The following LOXL3 variants were observed in gnomAD, a reference collection of about 807,000 sequenced individuals.
The protein encoded by LOXL3 is lysyl oxidase homolog 3.
Under a neutral mutation model 91.8 loss-of-function variants are expected in LOXL3, and 60 were observed. The ratio of observed to expected loss-of-function variants is 0.65; its 90% CI spans 0.53 to 0.81. LOXL3 has a LOEUF of 0.81. Ranked by LOEUF, LOXL3 falls within the 30% of genes least tolerant of loss-of-function variation. The pLI, the probability that LOXL3 is intolerant of heterozygous loss-of-function variation, is 0.00. For synonymous variants in LOXL3, 355 were observed against 387.6 expected (o/e 0.92, Z 0.99); for missense variants, 874 against 1,000.4 (o/e 0.87, Z 1.70).
In LOXL3 at chr2:74,535,034, G is replaced by C. The variant is rs1392265650; in HGVS notation, c.1579+258C>G. 6.6e-6 allele frequency among the ~76,000 whole-genome samples: 1 copy of C among 152,086 alleles called. No homozygotes were observed. Among genetic ancestry groups the C allele is most frequent in the Admixed American group, 6.5e-5 (1 of 15,272 alleles). On this transcript the variant is annotated intron_variant, in intron 9 of 13. Transcript: ENST00000264094. The surrounding 1 kb of genome is among the most constrained non-coding windows in gnomAD (Gnocchi z 4.2). ...GCTGGGATTATAGGCGCCTGCCACT[G>C]CGCCTGGCTAATTTTTGTAGTTTTA... is the stretch of plus-strand genomic sequence containing the variant.
At chr2:74,539,428 GA>G (rs1676195894) in intron 4 of LOXL3, among the ~76,000 whole-genome samples, 1 of 152,140 alleles carries the variant, frequency 6.6e-6, no homozygotes, top group Admixed American at 6.5e-5. Flanking sequence ...GGGAAGGGGA[GA>G]AGGGAAGAGG....
chr2:74,555,108 G>T (rs1026665420), upstream of LOXL3: 3 of 1,566,338 alleles, frequency 1.9e-6, no homozygotes, highest in African/African-American at 2.7e-5. This position sits in a 1 kb window ranked among gnomAD's most constrained non-coding sequence, Gnocchi z 6.1. Flanking sequence ...GACCCGGGCC[G>T]CCTGCGCACG....
Position 74,532,308 on chromosome 2 carries a change from A to G in LOXL3, c.*1298T>C, listed in dbSNP as rs2104378183. ...ATGCTGTTCTTGTTTTATATGGTTA[A>G]TATCAGATCCATCCTTTTAGGCTCA... On this transcript the variant is annotated 3_prime_UTR_variant, in exon 14 of 14. Coordinates refer to ENST00000264094, the MANE Select transcript of LOXL3 (RefSeq NM_032603.5). 2.1e-6 allele frequency: 1 copy of G among 479,976 alleles called. No homozygotes were observed. The highest frequency in any genetic ancestry group is 3.8e-6 in the Non-Finnish European group (1 of 263,276). 29.7% of individuals were successfully genotyped at this position (479,976 alleles called of 1,614,324 possible). A position where few individuals can be genotyped will look rare whatever the true frequency, so the allele number is the denominator to read the frequency against.
At position 74,533,955 on chromosome 2, in the gene LOXL3, G is replaced by C; in HGVS notation, c.2115C>G (p.Asp705Glu). The C allele has an allele frequency of 6.2e-7, 1 of 1,614,182 alleles. No homozygotes were observed. Among genetic ancestry groups the C allele is most frequent in the Non-Finnish European group, 8.5e-7 (1 of 1,180,026 alleles). Reference protein sequence around the residue: ...INPNFEVAESDFTNNAMKCNC... With the variant: ...INPNFEVAESEFTNNAMKCNC... ...TACATTTCATTGCATTGTTGGTAAA[G>C]TCACTCTCTGCTACTTCAAAGTTTG... The change falls in exon 13 of 14, where the codon GAC becomes GAG. Residue 705 changes from aspartate (D) to glutamate (E), a missense_variant. Asp to Glu is a conservative substitution (Grantham distance 45, BLOSUM62 2). Coordinates refer to ENST00000264094, the MANE Select transcript of LOXL3 (RefSeq NM_032603.5).
Position 74,535,537 on chromosome 2 carries a change from A to G in LOXL3, c.1416+51T>C. On this transcript the variant is annotated intron_variant, in intron 8 of 13. Coordinates refer to ENST00000264094, the MANE Select transcript of LOXL3 (RefSeq NM_032603.5). This position sits in a 1 kb window ranked among gnomAD's most constrained non-coding sequence, Gnocchi z 4.2. Reference sequence around the variant, plus strand: ...GACTCATTCCTCAGCCCTCTGCCCAAAACACAGGCTTTGAGACAACAGCCT... The same window carrying G: ...GACTCATTCCTCAGCCCTCTGCCCAGAACACAGGCTTTGAGACAACAGCCT... 1 of 1,612,130 alleles carries G rather than the reference A, an allele frequency of 6.2e-7. No homozygotes were observed. The highest frequency in any genetic ancestry group is 8.5e-7 in the Non-Finnish European group (1 of 1,179,828).
At position 74,534,140 on chromosome 2, in the gene LOXL3, A is replaced by C; in HGVS notation, c.2036T>G (p.Ile679Ser). 2 of 1,614,232 alleles carry C rather than the reference A, an allele frequency of 1.2e-6. No individual in the cohort carries two copies. Residue 679 changes from isoleucine (I) to serine (S), a missense_variant, in exon 12 of 14, where the codon ATT (isoleucine) becomes AGT (serine). By Grantham distance (142) the Ile-to-Ser change is moderately radical (BLOSUM62 -2). Transcript: ENST00000264094. ...TCCTGGCTTCACATCCGTGATGTCA[A>C]TCCACTGACAGTCAATGTCATGCCG... ...LYRHDIDCQWIDITDVKPGNY... is the reference protein window; with the variant it reads ...LYRHDIDCQWSDITDVKPGNY...
Position 74,534,220 on chromosome 2 carries a change from A to G in LOXL3, c.1956T>C (p.Tyr652=). 6.2e-7 allele frequency: 1 copy of G among 1,614,164 alleles called. No homozygotes were observed. Among genetic ancestry groups the G allele is most frequent in the Non-Finnish European group, 8.5e-7 (1 of 1,180,008 alleles). The change falls in exon 12 of 14, where the codon TAT becomes TAC. Residue 652 remains tyrosine, a synonymous_variant. Transcript: ENST00000264094. The stretch of plus-strand genomic sequence containing the variant: ...CTTGCTCTCCAAAGTTGGCACACTC[A>G]TACCGCTTGGAGACATCTGGAGGGA... ...TECQEDVSKR[Y]ECANFGEQGI...
chr2:74,536,765 C>T lies in LOXL3; in HGVS notation c.856G>A (p.Val286Ile). ...TTCTGGCCACTGGATGCCGCGTAGA[C>T]AGGGCCTGGCACACAGCTCACCACT... ...PAVVSCVPGP[V>I]YAASSGQKKQ... Residue 286 changes from valine (V) to isoleucine (I), a missense_variant, in exon 5 of 14, where the codon GTC (valine) becomes ATC (isoleucine). By Grantham distance (29) the Val-to-Ile change is conservative. Transcript: ENST00000264094. This position sits in a 1 kb window ranked among gnomAD's most constrained non-coding sequence, Gnocchi z 4.5. 6.2e-7 allele frequency: 1 copy of T among 1,614,216 alleles called. No homozygotes were observed. The highest frequency in any genetic ancestry group is 8.5e-7 in the Non-Finnish European group (1 of 1,180,028).
At position 74,535,632 on chromosome 2, in the gene LOXL3, C is replaced by T; in HGVS notation, c.1372G>A (p.Ala458Thr). Residue 458 changes from alanine (A) to threonine (T), a missense_variant, in exon 8 of 14, where the codon GCC becomes ACC. By Grantham distance (58) the Ala-to-Thr change is moderately conservative (BLOSUM62 0). Coordinates refer to ENST00000264094, the MANE Select transcript of LOXL3 (RefSeq NM_032603.5). The surrounding 1 kb of genome is among the most constrained non-coding windows in gnomAD (Gnocchi z 4.2). The stretch of plus-strand genomic sequence containing the variant: ...TAGCCCAGACCCAGTTGCCTACAGG[C>T]CACCATGGCCTCCAGGGTCCCCCAG... ...DDWGTLEAMV[A>T]CRQLGLGYAN... 6.2e-7 allele frequency: 1 copy of T among 1,614,100 alleles called. No homozygotes were observed. The highest frequency in any genetic ancestry group is 1.1e-5 in the South Asian group (1 of 91,080).
chr2:74,534,389 G>T lies in LOXL3; in HGVS notation c.1866C>A (p.Leu622=), dbSNP rs766032709. ...SMDIFTHYDI[L]TPNGTKVAEG... ...CAGCCACCTTGGTGCCATTTGGGGT[G>T]AGGATATCATAGTGAGTGAAGATGT... is the stretch of plus-strand genomic sequence containing the variant. Residue 622 remains leucine, a synonymous_variant, in exon 11 of 14, where the codon CTC becomes CTA. Coordinates refer to ENST00000264094, the MANE Select transcript of LOXL3 (RefSeq NM_032603.5). The T allele has an allele frequency of 1.7e-5, 27 of 1,614,138 alleles. No homozygotes were observed. In the South Asian group the frequency reaches 2.9e-4, roughly 17 times the overall value.
rs1244734542 is a variant in LOXL3 at position 74,536,262 on chromosome 2, C to T, written c.1093+29G>A. On this transcript the variant is annotated intron_variant, in intron 6 of 13. Coordinates refer to ENST00000264094, the MANE Select transcript of LOXL3 (RefSeq NM_032603.5). This position sits in a 1 kb window ranked among gnomAD's most constrained non-coding sequence, Gnocchi z 4.5. ...CCCCCAGGAGCATGTACCTCCTTCCCTCTCCCTCCCACCTCCATGCCACCT... is the reference window on the plus strand; with the variant it reads ...CCCCCAGGAGCATGTACCTCCTTCCTTCTCCCTCCCACCTCCATGCCACCT... The T allele has an allele frequency of 1.9e-6, 3 of 1,612,876 alleles. No individual in the cohort carries two copies. Among genetic ancestry groups the T allele is most frequent in the South Asian group, 2.2e-5 (2 of 91,026 alleles).
At position 74,533,690 on chromosome 2, in the gene LOXL3, G is replaced by A. The variant is rs746119292; in HGVS notation, c.2189-11C>T. The stretch of plus-strand genomic sequence containing the variant: ...CACTGAAGGCATCACCTGCAGAGTG[G>A]ACAGGCAATTTGGGAGGCGCCCTGC... On this transcript the variant is annotated splice_polypyrimidine_tract_variant and intron_variant, in intron 13 of 13. Coordinates refer to ENST00000264094, the MANE Select transcript of LOXL3 (RefSeq NM_032603.5). 8 of 1,613,638 alleles carry A rather than the reference G, an allele frequency of 5.0e-6. No individual in the cohort carries two copies. The highest frequency in any genetic ancestry group is 2.2e-5 in the South Asian group (2 of 91,068).
chr2:74,555,093 G>T, upstream of LOXL3: 2 of 1,545,954 alleles, frequency 1.3e-6, no homozygotes, highest in Non-Finnish European at 8.7e-7. This position sits in a 1 kb window ranked among gnomAD's most constrained non-coding sequence, Gnocchi z 6.1. Context: ...CTCCTTCCCC[G>T]TCGGGACCCG....
chr2:74,541,788 A>C (rs1237816511), intron 4 of LOXL3, among the ~76,000 whole-genome samples: 1 of 151,006 alleles, frequency 6.6e-6, no homozygotes, highest in Non-Finnish European at 1.5e-5. Flanking sequence ...TATATACACA[A>C]ACATATGTAA....
At chr2:74,555,469 G>A (rs762957951), upstream of LOXL3, 1 of 1,607,962 alleles carries the variant, frequency 6.2e-7, no homozygotes, top group Non-Finnish European at 8.5e-7. This position sits in a 1 kb window ranked among gnomAD's most constrained non-coding sequence, Gnocchi z 6.1. Flanking sequence ...GAGCTGCGGC[G>A]ATGCGGGGTG....
chr2:74,547,402 T>C (rs1219529591), intron 4 of LOXL3, among the ~76,000 whole-genome samples: 2 of 152,186 alleles, frequency 1.3e-5, no homozygotes, highest in African/African-American at 2.4e-5. Context: ...CGCTATCTTC[T>C]TCACTGGAAA....
Position 74,536,533 on chromosome 2 carries a change from G to C in LOXL3, c.913-62C>G. On this transcript the variant is annotated intron_variant, in intron 5 of 13. Coordinates refer to ENST00000264094, the MANE Select transcript of LOXL3 (RefSeq NM_032603.5). The surrounding 1 kb of genome is among the most constrained non-coding windows in gnomAD (Gnocchi z 4.5). ...CAACATCTGCACGGAGGGCTAAGCA[G>C]ACCTGGGAGATGAGTGAGACTTTGG... is the stretch of plus-strand genomic sequence containing the variant. 1.3e-6 allele frequency: 2 copies of C among 1,539,428 alleles called. No homozygotes were observed. Among genetic ancestry groups the C allele is most frequent in the South Asian group, 2.4e-5 (2 of 84,098 alleles).
chr2:74,538,315 C>G (rs1173799074), intron 4 of LOXL3, among the ~76,000 whole-genome samples: 1 of 152,146 alleles, frequency 6.6e-6, no homozygotes, highest in African/African-American at 2.4e-5. Context: ...GCTAGAAGGG[C>G]ACTACAAGAA....
In LOXL3 at chr2:74,549,982, C is replaced by A. The variant is rs1466069604; in HGVS notation, c.477+203G>T. 3 of 985,312 alleles carry A rather than the reference C, an allele frequency of 3.0e-6. No homozygotes were observed. In the East Asian group the frequency reaches 3.4e-4, roughly 112 times the overall value. The allele number at this position is 985,312 out of a possible 1,614,324, so 61.0% of individuals were successfully genotyped here. ...AGGGATGAAGCTGGAGAGGCTCATG[C>A]CAGGTTTAGCCCCTTGAATGTGAAT... On this transcript the variant is annotated intron_variant, in intron 3 of 13. Coordinates refer to ENST00000264094, the MANE Select transcript of LOXL3 (RefSeq NM_032603.5). This position sits in a 1 kb window ranked among gnomAD's most constrained non-coding sequence, Gnocchi z 5.3.
Sources: allele counts gnomAD v4.1 joint callset (sites outside exome capture counted in the v4.1 genomes callset), GRCh38; gene constraint gnomAD v4.1.1; non-coding constraint Gnocchi (gnomAD v3.1); transcripts MANE v1.5; gene names NCBI Gene and HGNC (gene_info 2026-07-23, HGNC 2026-07-21).